CSPP1: variants seen among roughly 807,000 people sequenced by gnomAD.
CSPP1 encodes centrosome and spindle pole associated protein 1.
Under a neutral mutation model 164.4 loss-of-function variants are expected in CSPP1, and 126 were observed. The observed-to-expected ratio is 0.77, with a 90% CI of 0.66 to 0.89. The LOEUF is 0.89. Among genes scored for constraint, CSPP1 ranks in the 40% least tolerant of loss-of-function variants. The probability of loss-of-function intolerance (pLI) is 0.00; values close to 1 mark genes in which losing one functional copy is unlikely to be tolerated. For missense variants in CSPP1, 1,395 were observed against 1,449.8 expected (o/e 0.96, Z 0.61); for synonymous variants, 472 against 476.7 (o/e 0.99, Z 0.13).
At chr8:67,154,714 TG>T (rs1826347793) in intron 19 of CSPP1, among the ~76,000 whole-genome samples, 1 of 151,960 alleles carries the variant, frequency 6.6e-6, no homozygotes. Flanking sequence ...TTGGCCAGGC[TG>T]GTCTCGAACT....
At chr8:67,109,030 A>G (rs1019983727) in intron 9 of CSPP1, among the ~76,000 whole-genome samples, 1 of 152,208 alleles carries the variant, frequency 6.6e-6, no homozygotes, top group Non-Finnish European at 1.5e-5. Context: ...TCTAGTGAAC[A>G]TTTGAAAATT....
intron 12 of CSPP1, 30 bp from the exon 13 acceptor site, chr8:67,115,884 T>A (rs1258851988): frequency 6.3e-7 from 1 of 1,576,190 alleles, no homozygotes; most frequent in Non-Finnish European, 8.7e-7. Flanking sequence ...TGATTATATG[T>A]AACAAACAGA....
intron 9 of CSPP1, among the ~76,000 whole-genome samples, chr8:67,108,919 G>A (rs1816236747): frequency 6.6e-6 from 1 of 152,178 alleles, no homozygotes. Context: ...CTTTTGCTTT[G>A]TATAGTCTGC....
At position 67,164,462 on chromosome 8, in the gene CSPP1, C is replaced by G; in HGVS notation, c.2782C>G (p.Gln928Glu). The G allele has an allele frequency of 6.2e-7, 1 of 1,603,428 alleles. No homozygotes were observed. The highest frequency in any genetic ancestry group is 8.5e-7 in the Non-Finnish European group (1 of 1,170,498). ...KQLRSEERRL[Q>E]ERLLHMDSDD... ...GCTTCGTAGTGAAGAGAGGCGTCTA[C>G]AAGAGCGATTGCTACACATGGACAG... Residue 928 changes from glutamine to glutamate, a missense_variant, in exon 24 of 31, where the codon CAA becomes GAA. Transcript: ENST00000678616.
chr8:67,182,723 G>C (rs1833373692), intron 28 of CSPP1, among the ~76,000 whole-genome samples: 1 of 152,128 alleles, frequency 6.6e-6, no homozygotes, highest in Non-Finnish European at 1.5e-5. Context: ...TTACATTTCT[G>C]TAATAATTAG....
At chr8:67,172,356 G>A (rs1183389337) in intron 24 of CSPP1, 60 bp from the exon 25 acceptor site, 1 of 1,360,384 alleles carries the variant, frequency 7.4e-7, no homozygotes, top group Non-Finnish European at 1.0e-6. Context: ...CAGTGAATTA[G>A]ATGTGAACTC....
intron 10 of CSPP1, among the ~76,000 whole-genome samples, chr8:67,113,105 C>T (rs962784619): frequency 5.9e-5 from 9 of 152,052 alleles, no homozygotes; most frequent in African/African-American, 1.4e-4. Context: ...ATTAGCCGGG[C>T]GTGGTGGCAC....
intron 3 of CSPP1, among the ~76,000 whole-genome samples, chr8:67,080,427 A>G (rs1326424594): frequency 6.6e-6 from 1 of 152,260 alleles, no homozygotes. Context: ...GGTTAATTCC[A>G]TGTGGCTCTT....
At chr8:67,190,816 C>T in intron 29 of CSPP1, 57 bp downstream of exon 29, 1 of 1,239,096 alleles carries the variant, frequency 8.1e-7, no homozygotes, top group South Asian at 1.2e-5. Flanking sequence ...GGTCTGGGTT[C>T]TGACCTGTGC....
chr8:67,155,684 AG>A (rs1037178417), intron 19 of CSPP1, among the ~76,000 whole-genome samples: 3 of 152,234 alleles, frequency 2.0e-5, no homozygotes, highest in African/African-American at 7.2e-5. Context: ...GCTACTCGGG[AG>A]GCTGAGGTGG....
In CSPP1 at chr8:67,113,894, T is replaced by G. The variant is rs1329717395; in HGVS notation, c.1245+32T>G. 13 of 1,369,510 alleles carry G rather than the reference T, an allele frequency of 9.5e-6. No homozygotes were observed. The South Asian group carries it at 1.5e-4, about 16-fold the overall frequency. 84.8% of individuals were successfully genotyped at this position (1,369,510 alleles called of 1,614,324 possible). ...GTTTCTGGCATCTTTTAATGTTTAATCTTTCATCAAATGATCCTCAAATGT... is the reference window on the plus strand; with the variant it reads ...GTTTCTGGCATCTTTTAATGTTTAAGCTTTCATCAAATGATCCTCAAATGT... On this transcript the variant is annotated intron_variant, in intron 11 of 30. Transcript: ENST00000678616.
chr8:67,177,841 G>GT (rs1229315502), intron 27 of CSPP1, 115 bp downstream of exon 27: 3 of 788,168 alleles, frequency 3.8e-6, no homozygotes, highest in Non-Finnish European at 4.5e-6. Context: ...AATTAAGAAC[G>GT]TAAGTCTTAT....
chr8:67,137,999 G>T (rs1262283702), intron 17 of CSPP1, among the ~76,000 whole-genome samples: 2 of 152,120 alleles, frequency 1.3e-5, no homozygotes, highest in Non-Finnish European at 2.9e-5. Flanking sequence ...AACAGTTTTG[G>T]GAGGGGATTT....
chr8:67,104,968 T>TATATATATATATATATA (rs58594151), intron 8 of CSPP1, among the ~76,000 whole-genome samples: 2 of 78,494 alleles, frequency 2.5e-5, no homozygotes, highest in Non-Finnish European at 4.6e-5. Flanking sequence ...ATATATATAT[T>TATATATATATATATATA]TTTTTTTTTT....
At chr8:67,149,420 G>A (rs989877013) in intron 17 of CSPP1, among the ~76,000 whole-genome samples, 1 of 152,136 alleles carries the variant, frequency 6.6e-6, no homozygotes, top group African/African-American at 2.4e-5. Flanking sequence ...GTTATTAGGA[G>A]ACCGATGACA....
At chr8:67,065,482 T>C (rs1365073460) in intron 1 of CSPP1, 1 of 961,538 alleles carries the variant, frequency 1.0e-6, no homozygotes, top group Non-Finnish European at 1.2e-6. Context: ...AATTAGGCTT[T>C]ATTCTGTGTG....
intron 9 of CSPP1, 46 bp from the exon 10 acceptor site, chr8:67,111,926 C>A (rs773716504): frequency 8.4e-7 from 1 of 1,184,020 alleles, no homozygotes; most frequent in East Asian, 2.5e-5. Flanking sequence ...TAATTGCATA[C>A]GATGCTTAAG....
At position 67,193,535 on chromosome 8, in the gene CSPP1, G is replaced by A. The variant is rs781016601; in HGVS notation, c.3402G>A (p.Glu1134=). The A allele has an allele frequency of 6.2e-7, 1 of 1,613,018 alleles. No individual in the cohort carries two copies. Among genetic ancestry groups the A allele is most frequent in the Non-Finnish European group, 8.5e-7 (1 of 1,178,968 alleles). ...CTATATCCAGTGTAAATGTTGATGA[G>A]CTTAGAGTGAGAAATGAGGAACGAA... The part of the protein sequence containing the change: ...LKSISSVNVD[E]LRVRNEERMR... Residue 1134 remains glutamate, a synonymous_variant, in exon 30 of 31, where the codon GAG becomes GAA. Coordinates refer to ENST00000678616, the MANE Select transcript of CSPP1 (RefSeq NM_001382391.1).
intron 21 of CSPP1, among the ~76,000 whole-genome samples, chr8:67,161,262 C>A (rs955297672): frequency 6.6e-6 from 1 of 152,118 alleles, no homozygotes; most frequent in Non-Finnish European, 1.5e-5. Flanking sequence ...CTTGTTTGCT[C>A]CATCCTCTAC....
Sources: gnomAD v4.1 joint callset for allele counts (sites outside exome capture counted in the v4.1 genomes callset) on GRCh38, gnomAD v4.1.1 for gene constraint, MANE v1.5 for transcripts, NCBI Gene and HGNC (gene_info 2026-07-23, HGNC 2026-07-21) for gene names.